Variants in PTPRN2 observed in about 807,000 individuals in gnomAD.
PTPRN2 encodes receptor-type tyrosine-protein phosphatase N2.
Under a neutral mutation model 118.8 loss-of-function variants are expected in PTPRN2, and 74 were observed. The ratio of observed to expected loss-of-function variants is 0.62; its 90% confidence interval spans 0.52 to 0.76. The LOEUF (loss-of-function observed/expected upper bound fraction) is 0.76. PTPRN2 is among the 30% of genes least tolerant of loss of function. The pLI is 0.00. For synonymous variants in PTPRN2, 641 were observed against 608.0 expected, an observed-to-expected ratio of 1.05 and a Z score of -0.80; for missense variants, 1,481 against 1,394.4, an observed-to-expected ratio of 1.06 and a Z score of -0.99.
At chr7:158,239,362 C>T (rs983788951) in intron 3 of PTPRN2, among the ~76,000 whole-genome samples, 11 of 152,162 alleles carry the variant, frequency 7.2e-5, no homozygotes, top group Admixed American at 2.6e-4. Context: ...GCAAGGAGCC[C>T]GGAGCTGGTA....
intron 5 of PTPRN2, among the ~76,000 whole-genome samples, chr7:158,169,113 CAGTA>C (rs1333295358): frequency 6.6e-6 from 1 of 152,138 alleles, no homozygotes; most frequent in Non-Finnish European, 1.5e-5. Context: ...CCATCACTGA[CAGTA>C]AGGTAAGGGG....
chr7:158,161,276 G>C (rs1822334922), intron 6 of PTPRN2, among the ~76,000 whole-genome samples: 1 of 152,316 alleles, frequency 6.6e-6, no homozygotes, highest in South Asian at 2.1e-4. Flanking sequence ...CAATACTGAA[G>C]AAGAACAAAG....
At chr7:158,415,065 ACTTCTCTG>A in intron 2 of PTPRN2, among the ~76,000 whole-genome samples, 1 of 151,150 alleles carries the variant, frequency 6.6e-6, no homozygotes, top group Non-Finnish European at 1.5e-5. Context: ...ACAACCAGCT[ACTTCTCTG>A]ATGATACAAC....
intron 17 of PTPRN2, among the ~76,000 whole-genome samples, chr7:157,581,684 CTG>C (rs754813606): frequency 6.6e-6 from 1 of 152,246 alleles, no homozygotes; most frequent in Non-Finnish European, 1.5e-5. Flanking sequence ...AGTTTACTGA[CTG>C]TAGATTTAAA....
chr7:158,555,729 G>GAATC lies in PTPRN2; in HGVS notation c.112+31828_112+31829insGATT, dbSNP rs1238448125. On this transcript the variant is annotated intron_variant, in intron 1 of 22. Coordinates refer to ENST00000389418, the MANE Select transcript of PTPRN2 (RefSeq NM_002847.5). This position sits in a 1 kb window ranked among gnomAD's most constrained non-coding sequence, Gnocchi z 4.7. ...GTAAAGGGAGCTCTTCCGCCAACAG[G>GAATC]TGGCCGGTGTTGCTTCCCAGCGGGT... Among the ~76,000 whole-genome samples, 29 of 152,116 alleles carry GAATC rather than the reference G, an allele frequency of 1.9e-4. No homozygotes were observed. Among genetic ancestry groups the GAATC allele is most frequent in the African/African-American group, 7.0e-4 (29 of 41,426 alleles).
chr7:158,549,226 G>A (rs891530838), intron 1 of PTPRN2, among the ~76,000 whole-genome samples: 2 of 152,196 alleles, frequency 1.3e-5, no homozygotes, highest in Non-Finnish European at 2.9e-5. Flanking sequence ...TTTTGAAACT[G>A]AAGTTGACAT....
chr7:158,373,837 C>A (rs548745854), intron 2 of PTPRN2, among the ~76,000 whole-genome samples: 1 of 152,334 alleles, frequency 6.6e-6, no homozygotes, highest in African/African-American at 2.4e-5. Context: ...AGCATCTGGG[C>A]GCCCTCTCTG....
chr7:158,428,120 G>C (rs1248648562), intron 2 of PTPRN2, among the ~76,000 whole-genome samples: 1 of 152,254 alleles, frequency 6.6e-6, no homozygotes, highest in Non-Finnish European at 1.5e-5. Flanking sequence ...AGAAGGTTAT[G>C]ATGAAACCAA....
chr7:158,222,581 G>A (rs10215992), intron 3 of PTPRN2, among the ~76,000 whole-genome samples: 47,177 of 151,816 alleles, frequency 0.31, 9,577 homozygotes, highest in African/African-American at 0.58. Context: ...GAAAGGCAGA[G>A]GGTGGGAGGA....
chr7:157,800,946 C>A (rs1373085336), intron 12 of PTPRN2, among the ~76,000 whole-genome samples: 1 of 149,922 alleles, frequency 6.7e-6, no homozygotes, highest in Non-Finnish European at 1.5e-5. Flanking sequence ...AGAGAGACTC[C>A]GTTTCAAAAA....
rs1309977820 is a variant in PTPRN2 at position 158,525,026 on chromosome 7, C to G, written c.113-35241G>C. On this transcript the variant is annotated intron_variant, in intron 1 of 22. Transcript: ENST00000389418. This position sits in a 1 kb window ranked among gnomAD's most constrained non-coding sequence, Gnocchi z 4.1. The stretch of plus-strand genomic sequence containing the variant: ...GAAGTGTGGCCCCAGCAGCGGTCTC[C>G]TGCACCCTCCGAAAAGACAGCCCTT... Among the ~76,000 whole-genome samples, 2 of 152,148 alleles carry G rather than the reference C, an allele frequency of 1.3e-5. No homozygotes were observed. Among genetic ancestry groups the G allele is most frequent in the Non-Finnish European group, 2.9e-5 (2 of 68,032 alleles).
At chr7:157,909,164 T>A (rs1383845879) in intron 11 of PTPRN2, among the ~76,000 whole-genome samples, 1 of 152,196 alleles carries the variant, frequency 6.6e-6, no homozygotes, top group African/African-American at 2.4e-5. Context: ...CAATCCACTG[T>A]CTTTTTCATT....
intron 13 of PTPRN2, among the ~76,000 whole-genome samples, chr7:157,662,380 G>A (rs1328956335): frequency 6.6e-6 from 1 of 152,212 alleles, no homozygotes; most frequent in Non-Finnish European, 1.5e-5. Flanking sequence ...GGAACACCAG[G>A]CTGAGCCAGG....
intron 11 of PTPRN2, among the ~76,000 whole-genome samples, chr7:157,938,892 C>T (rs1350662948): frequency 6.6e-6 from 1 of 152,204 alleles, no homozygotes; most frequent in African/African-American, 2.4e-5. Flanking sequence ...TGTCAAGATG[C>T]TCATATCAGT....
At chr7:157,732,140 C>G (rs1473401129) in intron 12 of PTPRN2, among the ~76,000 whole-genome samples, 1 of 105,990 alleles carries the variant, frequency 9.4e-6, no homozygotes, top group African/African-American at 3.6e-5. Flanking sequence ...GCCCCATGCG[C>G]CCAGCACAGT....
chr7:157,588,108 G>A (rs976094731), intron 17 of PTPRN2, among the ~76,000 whole-genome samples: 12 of 152,214 alleles, frequency 7.9e-5, no homozygotes, highest in Non-Finnish European at 1.8e-4. Context: ...CATCCACTCC[G>A]CACCTGATGG....
intron 12 of PTPRN2, among the ~76,000 whole-genome samples, chr7:157,694,329 G>A (rs1008065853): frequency 1.3e-5 from 2 of 152,258 alleles, no homozygotes; most frequent in Non-Finnish European, 1.5e-5. Context: ...ACACTTCCTC[G>A]TCCACGCCTT....
intron 2 of PTPRN2, among the ~76,000 whole-genome samples, chr7:158,467,663 G>T (rs1373148634): frequency 6.6e-6 from 1 of 152,110 alleles, no homozygotes; most frequent in Non-Finnish European, 1.5e-5. Flanking sequence ...TTTTGAGTGT[G>T]GATGTCCAGT....
intron 1 of PTPRN2, among the ~76,000 whole-genome samples, chr7:158,511,440 C>A (rs975831313): frequency 1.3e-5 from 2 of 152,184 alleles, no homozygotes; most frequent in African/African-American, 2.4e-5. Context: ...CACAGAGGGG[C>A]TTTTTCCTCC....
Sources: gnomAD v4.1 joint callset for allele counts (sites outside exome capture counted in the v4.1 genomes callset) on GRCh38, gnomAD v4.1.1 for gene constraint, Gnocchi (gnomAD v3.1) non-coding constraint, MANE v1.5 for transcripts, NCBI Gene and HGNC (gene_info 2026-07-23, HGNC 2026-07-21) for gene names.